Variants in CD2AP observed in about 807,000 individuals in gnomAD.
The protein encoded by CD2AP is CD2-associated protein.
A neutral mutation model predicts 85.1 loss-of-function variants in CD2AP; 46 were observed. The observed-to-expected ratio is 0.54, with a 90% CI of 0.43 to 0.69. The LOEUF is 0.69. Ranked by LOEUF, CD2AP falls within the 30% of genes least tolerant of loss-of-function variation. The pLI is 0.00. For missense variants in CD2AP, 769 were observed against 729.5 expected (o/e 1.05, Z -0.62); for synonymous variants, 255 against 252.9 (o/e 1.01, Z -0.08).
At chr6:47,574,693 T>TG (rs1768255160) in intron 6 of CD2AP, among the ~76,000 whole-genome samples, 1 of 151,790 alleles carries the variant, frequency 6.6e-6, no homozygotes, top group South Asian at 2.1e-4. Flanking sequence ...CTACTTAAAT[T>TG]TCCTCTAGAT....
intron 11 of CD2AP, among the ~76,000 whole-genome samples, chr6:47,582,449 C>A (rs2114108897): frequency 6.6e-6 from 1 of 152,270 alleles, no homozygotes; most frequent in South Asian, 2.1e-4. Flanking sequence ...AATCTCACTG[C>A]ATGTGTTTGT....
At chr6:47,581,915 T>C in intron 10 of CD2AP, 88 bp from the exon 11 acceptor site, 1 of 855,424 alleles carries the variant, frequency 1.2e-6, no homozygotes, top group Non-Finnish European at 2.0e-6. Context: ...GATGTTATTT[T>C]TCAACTCATC....
At chr6:47,563,300 G>A (rs1767910949) in intron 5 of CD2AP, among the ~76,000 whole-genome samples, 1 of 152,188 alleles carries the variant, frequency 6.6e-6, no homozygotes. Flanking sequence ...GGTAGGTATA[G>A]AAAATGTTGG....
chr6:47,582,292 G>C (rs1173309938), intron 11 of CD2AP: 1 of 428,046 alleles, frequency 2.3e-6, no homozygotes, highest in Non-Finnish European at 4.3e-6. Context: ...TCTTTATTCA[G>C]TTATTTCACA....
intron 3 of CD2AP, among the ~76,000 whole-genome samples, 162 bp downstream of exon 3, chr6:47,533,917 AT>A (rs1476723110): frequency 6.6e-6 from 1 of 152,196 alleles, no homozygotes; most frequent in Non-Finnish European, 1.5e-5. Flanking sequence ...GTCAATCTTA[AT>A]TTTTAGTCAT....
chr6:47,524,068 A>G (rs1766662637), intron 2 of CD2AP, among the ~76,000 whole-genome samples: 2 of 152,214 alleles, frequency 1.3e-5, no homozygotes, highest in African/African-American at 4.8e-5. Context: ...CATACTGTAA[A>G]TAGAAATTCA....
chr6:47,507,035 A>G (rs1274647417), intron 2 of CD2AP, among the ~76,000 whole-genome samples: 1 of 152,150 alleles, frequency 6.6e-6, no homozygotes, highest in Non-Finnish European at 1.5e-5. Context: ...AGTTTATGTA[A>G]TATTTTGAAT....
intron 4 of CD2AP, among the ~76,000 whole-genome samples, chr6:47,553,239 G>A (rs887208586): frequency 8.6e-5 from 13 of 151,992 alleles, no homozygotes; most frequent in African/African-American, 2.2e-4. Context: ...TTTATGAGAT[G>A]GAAAACAATT....
At chr6:47,622,254 G>A (rs985714438) in intron 17 of CD2AP, among the ~76,000 whole-genome samples, 5 of 152,190 alleles carry the variant, frequency 3.3e-5, no homozygotes, top group African/African-American at 1.2e-4. Context: ...ACTTGCCCCA[G>A]GCTACCTGCC....
At chr6:47,491,815 A>T (rs965707424) in intron 1 of CD2AP, among the ~76,000 whole-genome samples, 3 of 151,818 alleles carry the variant, frequency 2.0e-5, no homozygotes, top group African/African-American at 2.4e-5. Flanking sequence ...TTAAATACTG[A>T]TTTTTTTTAA....
In CD2AP at chr6:47,566,323, T is replaced by TACACACAC. The variant is rs1428713911; in HGVS notation, c.542-7736_542-7735insCACACACA. Among the ~76,000 whole-genome samples the TACACACAC allele has an allele frequency of 3.8e-3, 402 of 106,278 alleles. 2 individuals carry two copies. The highest frequency in any genetic ancestry group is 0.012 in the Middle Eastern group (2 of 172). The allele number at this position is 106,278 out of a possible 152,430, so 69.7% of individuals were successfully genotyped here. A position where few individuals can be genotyped will look rare whatever the true frequency, so the allele number is the denominator to read the frequency against. On this transcript the variant is annotated intron_variant, in intron 5 of 17. Coordinates refer to ENST00000359314, the MANE Select transcript of CD2AP (RefSeq NM_012120.3). ...TAGAATATATATATATATATATATA[T>TACACACAC]ACACATACACATATATATATATGTA...
At chr6:47,584,419 A>ATT (rs35951401) in intron 11 of CD2AP, among the ~76,000 whole-genome samples, 1 of 138,264 alleles carries the variant, frequency 7.2e-6, no homozygotes, top group Admixed American at 7.1e-5. Flanking sequence ...GTCTAGATTC[A>ATT]TTTTTTTTTT....
rs560350680 is a variant in CD2AP at position 47,569,555 on chromosome 6, A to G, written c.542-4509A>G. Among the ~76,000 whole-genome samples, 126 of 151,766 alleles carry G rather than the reference A, an allele frequency of 8.3e-4. No individual in the cohort carries two copies. In the South Asian group the frequency reaches 0.015, roughly 18 times the overall value. On this transcript the variant is annotated intron_variant, in intron 5 of 17. Coordinates refer to ENST00000359314, the MANE Select transcript of CD2AP (RefSeq NM_012120.3). ...CTTTACCGGGCAACTAGATGGATGC[A>G]TCACACAAAACATTTAAGAAACCCT...
chr6:47,513,391 G>A (rs1334623882), intron 2 of CD2AP, among the ~76,000 whole-genome samples: 1 of 152,120 alleles, frequency 6.6e-6, no homozygotes, highest in Non-Finnish European at 1.5e-5. Flanking sequence ...GTAGGTTCTA[G>A]TTATTATTTG....
Position 47,606,170 on chromosome 6 carries a change from G to A in CD2AP, c.1423G>A (p.Val475Ile), listed in dbSNP as rs1403959518. ...TVRTSKETDV[V>I]NFDDIASSEN... ...TGTTTATTTTTATTTTCTAGATGTT[G>A]TAAATTTTGATGACATAGCTTCCTC... The change falls in exon 14 of 18, where the codon GTA (valine) becomes ATA (isoleucine). Residue 475 changes from valine to isoleucine, a missense_variant. Coordinates refer to ENST00000359314, the MANE Select transcript of CD2AP (RefSeq NM_012120.3). 2.0e-6 allele frequency: 3 copies of A among 1,522,024 alleles called. No individual in the cohort carries two copies. In the East Asian group the frequency reaches 6.8e-5, roughly 34 times the overall value. The allele number at this position is 1,522,024 out of a possible 1,614,324, so 94.3% of individuals were successfully genotyped here.
At chr6:47,509,121 T>C (rs1174410816) in intron 2 of CD2AP, among the ~76,000 whole-genome samples, 3 of 152,138 alleles carry the variant, frequency 2.0e-5, no homozygotes, top group Non-Finnish European at 2.9e-5. Flanking sequence ...TTCAGTATCA[T>C]TGTGTCTCAG....
chr6:47,520,236 G>C (rs1766550815), intron 2 of CD2AP, among the ~76,000 whole-genome samples: 2 of 152,196 alleles, frequency 1.3e-5, no homozygotes, highest in South Asian at 4.1e-4. Context: ...AAAAGCTGAA[G>C]ATTTGTGTTC....
At chr6:47,561,735 T>C (rs1308026474) in intron 5 of CD2AP, among the ~76,000 whole-genome samples, 1 of 152,198 alleles carries the variant, frequency 6.6e-6, no homozygotes, top group African/African-American at 2.4e-5. Flanking sequence ...CCATTGACCA[T>C]AGAAATGTGT....
rs1303521123 is a variant in CD2AP at position 47,626,422 on chromosome 6, A to G, written c.*2195A>G. On this transcript the variant is annotated 3_prime_UTR_variant, in exon 18 of 18. Transcript: ENST00000359314. Reference sequence around the variant, plus strand: ...AGTTCATATCACAAAATGATATTTAATAATAACCTTGGGGTAAATCATGAA... The same window carrying G: ...AGTTCATATCACAAAATGATATTTAGTAATAACCTTGGGGTAAATCATGAA... The G allele has an allele frequency of 1.3e-5, 2 of 149,244 alleles. No individual in the cohort carries two copies. Among genetic ancestry groups the G allele is most frequent in the Middle Eastern group, 3.5e-3 (1 of 288 alleles). The allele number at this position is 149,244 out of a possible 1,614,324, so 9.2% of individuals were successfully genotyped here. A position where few individuals can be genotyped will look rare whatever the true frequency, so the allele number is the denominator to read the frequency against.
Sources: gnomAD v4.1 joint callset for allele counts (sites outside exome capture counted in the v4.1 genomes callset) on GRCh38, gnomAD v4.1.1 for gene constraint, MANE v1.5 for transcripts, NCBI Gene and HGNC (gene_info 2026-07-23, HGNC 2026-07-21) for gene names.